TMOD2: variants seen among roughly 807,000 people sequenced by gnomAD.
TMOD2 encodes tropomodulin 2.
In TMOD2, 22 loss-of-function variants were observed where a neutral mutation model predicts 39.9. The observed-to-expected ratio is 0.55, with a 90% confidence interval of 0.39 to 0.79. TMOD2 has a LOEUF of 0.79. Among genes scored for constraint, TMOD2 ranks in the 30% least tolerant of loss-of-function variants. The pLI, the probability that TMOD2 is intolerant of heterozygous loss-of-function variation, is 0.00. For synonymous variants in TMOD2, 123 were observed against 146.1 expected, an observed-to-expected ratio of 0.84 and a Z score of 1.14; for missense variants, 386 against 413.3, an observed-to-expected ratio of 0.93 and a Z score of 0.57.
chr15:51,759,609 C>T (rs1483562792), intron 1 of TMOD2, among the ~76,000 whole-genome samples: 1 of 152,150 alleles, frequency 6.6e-6, no homozygotes, highest in African/African-American at 2.4e-5. Flanking sequence ...TCTTTAAGGA[C>T]TCTTTCAGCT....
rs1303508292 is a variant in TMOD2 at position 51,776,984 on chromosome 15, A to C, written c.459A>C (p.Thr153=). 1.9e-6 allele frequency: 3 copies of C among 1,613,874 alleles called. No homozygotes were observed. Among genetic ancestry groups the C allele is most frequent in the African/African-American group, 2.7e-5 (2 of 74,940 alleles). ...LLNNPKFDEE[T]ANNKGGKGPV... is the part of the protein sequence containing the mutation. ...ACAATCCAAAGTTCGATGAAGAAAC[A>C]GCCAACAATAAAGGTGGCAAAGGAC... Residue 153 remains threonine, a synonymous_variant, in exon 5 of 10, where the codon ACA becomes ACC. Coordinates refer to ENST00000249700, the MANE Select transcript of TMOD2 (RefSeq NM_014548.4).
rs560000441 is a variant in TMOD2, at chr15:51,787,911, G to A, written c.732+5083G>A. On this transcript the variant is annotated intron_variant, in intron 7 of 9. Transcript: ENST00000249700. The stretch of plus-strand genomic sequence containing the variant: ...ACAAAGACGGGGAGAAACCAGAGCA[G>A]AAAGGCGGAAAATTCCCAAAACCAG... Among the ~76,000 whole-genome samples the A allele has an allele frequency of 4.6e-5, 7 of 152,320 alleles. No homozygotes were observed. The East Asian group carries it at 1.4e-3, about 29-fold the overall frequency.
intron 7 of TMOD2, among the ~76,000 whole-genome samples, chr15:51,789,302 A>G (rs966912331): frequency 6.6e-6 from 1 of 152,236 alleles, no homozygotes; most frequent in Non-Finnish European, 1.5e-5. Flanking sequence ...TTCAACAAGA[A>G]GAGCTAACTA....
intron 1 of TMOD2, 67 bp from the exon 2 acceptor site, chr15:51,766,306 C>T (rs2055815992): frequency 1.4e-6 from 1 of 738,974 alleles, no homozygotes; most frequent in African/African-American, 1.8e-5. Context: ...ATACTTCTGT[C>T]TCCTGTTAAT....
intron 7 of TMOD2, among the ~76,000 whole-genome samples, chr15:51,785,311 C>A (rs1221487493): frequency 6.7e-6 from 1 of 148,860 alleles, no homozygotes. Flanking sequence ...ACTCGGGAGA[C>A]TGAGGCAGGA....
At chr15:51,806,310 C>T in intron 8 of TMOD2, 67 bp from the exon 9 acceptor site, 1 of 1,575,246 alleles carries the variant, frequency 6.3e-7, no homozygotes, top group Non-Finnish European at 8.7e-7. Flanking sequence ...TTGTCTTTTT[C>T]CTGTGCAAGT....
Position 51,781,803 on chromosome 15 carries a change from G to GGGGA in TMOD2, c.624+630_624+631insGGAG, listed in dbSNP as rs1555462032. Among the ~76,000 whole-genome samples, 9 of 149,450 alleles carry GGGGA rather than the reference G, an allele frequency of 6.0e-5. No homozygotes were observed. The South Asian group carries it at 6.4e-4, about 11-fold the overall frequency. ...ATGCCACTCTCAAAGGGAAAGAGTAGGAGAGAGAGAGAGAGAGAGAGTGTG... is the reference window on the plus strand; with the variant it reads ...ATGCCACTCTCAAAGGGAAAGAGTAGGGGAGAGAGAGAGAGAGAGAGAGAGTGTG... On this transcript the variant is annotated intron_variant, in intron 6 of 9. Transcript: ENST00000249700.
chr15:51,768,458 CTCT>C, intron 3 of TMOD2, 40 bp downstream of exon 3: 2 of 1,499,834 alleles, frequency 1.3e-6, no homozygotes, highest in Non-Finnish European at 1.8e-6. Context: ...CAGAGGTTCT[CTCT>C]TTTTTTTTTT....
At chr15:51,788,083 T>C (rs2055983351) in intron 7 of TMOD2, among the ~76,000 whole-genome samples, 2 of 152,126 alleles carry the variant, frequency 1.3e-5, no homozygotes, top group Admixed American at 1.3e-4. Flanking sequence ...TTCTAATCCA[T>C]TGCAAGGAAG....
At chr15:51,767,514 C>A (rs1359870431) in intron 2 of TMOD2, among the ~76,000 whole-genome samples, 1 of 152,068 alleles carries the variant, frequency 6.6e-6, no homozygotes, top group Non-Finnish European at 1.5e-5. Flanking sequence ...GTTTGATTAG[C>A]AAGCACTTTC....
At chr15:51,759,454 G>A (rs2055764325) in intron 1 of TMOD2, among the ~76,000 whole-genome samples, 1 of 152,198 alleles carries the variant, frequency 6.6e-6, no homozygotes, top group Non-Finnish European at 1.5e-5. Context: ...GAGAGAATAT[G>A]TAGTATGGAA....
chr15:51,770,697 T>G (rs1478642778), intron 3 of TMOD2, among the ~76,000 whole-genome samples: 1 of 152,130 alleles, frequency 6.6e-6, no homozygotes, highest in African/African-American at 2.4e-5. Context: ...CCCAGCACTT[T>G]GGGAGGCTGA....
chr15:51,770,906 T>A (rs1444262530), intron 3 of TMOD2, among the ~76,000 whole-genome samples: 2 of 152,238 alleles, frequency 1.3e-5, no homozygotes, highest in Non-Finnish European at 2.9e-5. Context: ...GCAACATAGT[T>A]GCTGTTGGAC....
intron 2 of TMOD2, 187 bp downstream of exon 2, chr15:51,766,754 A>G: frequency 2.1e-6 from 1 of 468,730 alleles, no homozygotes; most frequent in Non-Finnish European, 3.7e-6. Flanking sequence ...AGTGTGATAC[A>G]GCAAATGTAT....
In TMOD2 at chr15:51,814,650, G is replaced by GC. The variant is rs538032286; in HGVS notation, c.*6198dup. ...TTTGAGAAACAATAGTGATTTGGATGCCAGCTCTATGTGACTTTGGGCAAG... is the reference window on the plus strand; with the variant it reads ...TTTGAGAAACAATAGTGATTTGGATGCCCAGCTCTATGTGACTTTGGGCAAG... On this transcript the variant is annotated 3_prime_UTR_variant, in exon 10 of 10. Transcript: ENST00000249700. 2.4e-4 allele frequency: 36 copies of GC among 152,346 alleles called. No homozygotes were observed. In the East Asian group the frequency reaches 3.3e-3, roughly 14 times the overall value. The allele number at this position is 152,346 out of a possible 1,614,324, so 9.4% of individuals were successfully genotyped here.
chr15:51,807,238 C>G lies in TMOD2; in HGVS notation c.1021+717C>G, dbSNP rs1054806652. Among the ~76,000 whole-genome samples, 3 of 152,318 alleles carry G rather than the reference C, an allele frequency of 2.0e-5. No individual in the cohort carries two copies. The South Asian group carries it at 6.2e-4, about 32-fold the overall frequency. Reference sequence around the variant, plus strand: ...AGGCTTCAATCCCCAGTTTGAGGTTCAGGGACAGAATGCCAGATCTTGGAT... The same window carrying G: ...AGGCTTCAATCCCCAGTTTGAGGTTGAGGGACAGAATGCCAGATCTTGGAT... On this transcript the variant is annotated intron_variant, in intron 9 of 9. Coordinates refer to ENST00000249700, the MANE Select transcript of TMOD2 (RefSeq NM_014548.4).
intron 1 of TMOD2, among the ~76,000 whole-genome samples, chr15:51,754,927 G>A (rs969829766): frequency 4.6e-5 from 7 of 152,200 alleles, no homozygotes; most frequent in African/African-American, 1.7e-4. Flanking sequence ...TGCCTTTAAT[G>A]CATTTTTGAG....
chr15:51,796,509 T>C (rs2056052451), intron 7 of TMOD2, among the ~76,000 whole-genome samples: 1 of 152,156 alleles, frequency 6.6e-6, no homozygotes, highest in Non-Finnish European at 1.5e-5. Flanking sequence ...TTTCAATGTA[T>C]AGTAGTCCCC....
chr15:51,801,235 T>TCACACACACACA lies in TMOD2; in HGVS notation c.876+2896_876+2897insACACACACACAC, dbSNP rs745892590. ...CTCTCTCCCTCTCTCTCTCTCTCTC[T>TCACACACACACA]CTCACACACACACACACACACACAC... On this transcript the variant is annotated intron_variant, in intron 8 of 9. Transcript: ENST00000249700. 2.3e-3 allele frequency among the ~76,000 whole-genome samples: 248 copies of TCACACACACACA among 108,946 alleles called. 1 individual carries two copies. Among genetic ancestry groups the TCACACACACACA allele is most frequent in the African/African-American group, 9.0e-3 (230 of 25,538 alleles). The allele number at this position is 108,946 out of a possible 152,430, so 71.5% of individuals were successfully genotyped here.
Sources: allele counts gnomAD v4.1 joint callset (sites outside exome capture counted in the v4.1 genomes callset), GRCh38; gene constraint gnomAD v4.1.1; transcripts MANE v1.5; gene names NCBI Gene and HGNC (gene_info 2026-07-23, HGNC 2026-07-21).